ALDH1L2: variants seen among roughly 807,000 people sequenced by gnomAD.
ALDH1L2 encodes the protein aldehyde dehydrogenase 1 family member L2, also known as mitochondrial 10-formyltetrahydrofolate dehydrogenase.
ALDH1L2 carries 91 observed loss-of-function variants against 111.0 expected under a neutral mutation model. That is an observed-to-expected ratio of 0.82 (90% confidence interval 0.69 to 0.98). The LOEUF (loss-of-function observed/expected upper bound fraction) is 0.98, where lower values mean the gene tolerates loss of function less well. Among genes scored for constraint, ALDH1L2 ranks in the 50% least tolerant of loss-of-function variants. The pLI is 0.00. For synonymous variants in ALDH1L2, 374 were observed against 392.6 expected (o/e 0.95, Z 0.56); for missense variants, 995 against 1,126.8 (o/e 0.88, Z 1.67).
Position 105,023,732 on chromosome 12 carries a change from C to T in ALDH1L2, c.*692G>A, listed in dbSNP as rs1377074445. On this transcript the variant is annotated 3_prime_UTR_variant, in exon 23 of 23. Transcript: ENST00000258494. ...TGATACGACCAGGATCAGCCTTCTA[C>T]TATATCATATGTAAAATTTGCTTCA... The T allele has an allele frequency of 3.9e-5, 6 of 152,130 alleles. No homozygotes were observed. The highest frequency in any genetic ancestry group is 5.9e-5 in the Non-Finnish European group (4 of 68,032). The allele number at this position is 152,130 out of a possible 1,614,324, so 9.4% of individuals were successfully genotyped here.
At chr12:105,043,734 C>A (rs1875677324) in intron 15 of ALDH1L2, among the ~76,000 whole-genome samples, 1 of 152,150 alleles carries the variant, frequency 6.6e-6, no homozygotes, top group African/African-American at 2.4e-5. Context: ...TATTGGTTTT[C>A]TTCCATTTGG....
At position 105,024,357 on chromosome 12, in the gene ALDH1L2, A is replaced by G. The variant is rs190294019; in HGVS notation, c.*67T>C. ...GACACCTCCTGCCTCAACACACCCA[A>G]TCTTCTTAAGTGTGTCCAGAGTTGT... On this transcript the variant is annotated 3_prime_UTR_variant, in exon 23 of 23. Coordinates refer to ENST00000258494, the MANE Select transcript of ALDH1L2 (RefSeq NM_001034173.4). The G allele has an allele frequency of 2.9e-4, 453 of 1,584,738 alleles. 2 individuals carry two copies. The African/African-American group carries it at 3.0e-3, about 11-fold the overall frequency.
rs139170481 is a variant in ALDH1L2 at position 105,067,472 on chromosome 12, A to G, written c.595-803T>C. 4.2e-3 allele frequency among the ~76,000 whole-genome samples: 640 copies of G among 152,346 alleles called. 6 individuals are homozygous for G. The highest frequency in any genetic ancestry group is 0.014 in the African/African-American group (601 of 41,578). On this transcript the variant is annotated intron_variant, in intron 4 of 22. Coordinates refer to ENST00000258494, the MANE Select transcript of ALDH1L2 (RefSeq NM_001034173.4). ...ATTTTACTCATCATGATGATTCTAA[A>G]AAATGATACCTTACTGTATTTAATG...
chr12:105,063,069 T>C (rs1371475655), intron 6 of ALDH1L2, 47 bp from the exon 7 acceptor site: 1 of 1,589,868 alleles, frequency 6.3e-7, no homozygotes, highest in Non-Finnish European at 8.5e-7. Context: ...AGAAAAGCTG[T>C]TCATAGCGGT....
Position 105,031,944 on chromosome 12 carries a change from AC to A in ALDH1L2, c.2245-11del. On this transcript the variant is annotated splice_polypyrimidine_tract_variant and intron_variant, in intron 19 of 22. Coordinates refer to ENST00000258494, the MANE Select transcript of ALDH1L2 (RefSeq NM_001034173.4). Reference sequence around the variant, plus strand: ...TTTTAATTTCTTCTACCTGTATGTTACCCAGTCCATAAAAACACAATTCACT... The same window carrying A: ...TTTTAATTTCTTCTACCTGTATGTTACCAGTCCATAAAAACACAATTCACT... 1 of 1,612,856 alleles carries A rather than the reference AC, an allele frequency of 6.2e-7. No homozygotes were observed. Among genetic ancestry groups the A allele is most frequent in the Non-Finnish European group, 8.5e-7 (1 of 1,179,560 alleles).
At chr12:105,031,651 G>T in intron 20 of ALDH1L2, 118 bp downstream of exon 20, 1 of 1,422,754 alleles carries the variant, frequency 7.0e-7, no homozygotes, top group Non-Finnish European at 9.5e-7. Context: ...ACCACACTGG[G>T]CTAATTTTTG....
chr12:105,027,578 T>C (rs976653287), intron 21 of ALDH1L2, among the ~76,000 whole-genome samples: 2 of 152,224 alleles, frequency 1.3e-5, no homozygotes, highest in Non-Finnish European at 2.9e-5. Flanking sequence ...CTCGCCTTCA[T>C]TTATTATTGC....
chr12:105,046,233 T>A (rs1212010572), intron 15 of ALDH1L2, among the ~76,000 whole-genome samples: 31 of 118,884 alleles, frequency 2.6e-4, no homozygotes, highest in African/African-American at 1.0e-3. Flanking sequence ...TTTTTTTTTT[T>A]TTTTTTTTTT....
rs992302716 is a variant in ALDH1L2, at chr12:105,024,289, G to C, written c.*135C>G. 1.7e-5 allele frequency: 15 copies of C among 877,960 alleles called. No homozygotes were observed. In the African/African-American group the frequency reaches 2.0e-4, roughly 12 times the overall value. The allele number at this position is 877,960 out of a possible 1,614,324, so 54.4% of individuals were successfully genotyped here. A position where few individuals can be genotyped will look rare whatever the true frequency, so the allele number is the denominator to read the frequency against. ...ATGTGTAAATGCTTTAACATGGCCT[G>C]GCCCTCTTCATGGTCCATCTGTGTA... On this transcript the variant is annotated 3_prime_UTR_variant, in exon 23 of 23. Transcript: ENST00000258494.
intron 1 of ALDH1L2, among the ~76,000 whole-genome samples, chr12:105,083,627 T>A (rs1024099406): frequency 2.0e-5 from 3 of 148,774 alleles, no homozygotes; most frequent in Non-Finnish European, 3.0e-5. Context: ...TTTTATTTTT[T>A]TTTTTTCTCT....
At chr12:105,064,114 CT>C (rs71069786) in intron 6 of ALDH1L2, among the ~76,000 whole-genome samples, 1 of 35,124 alleles carries the variant, frequency 2.8e-5, no homozygotes, top group Non-Finnish European at 5.4e-5. Flanking sequence ...CCACACCGAG[CT>C]TTTTTTTTTT....
At chr12:105,059,791 G>A (rs991640338) in intron 9 of ALDH1L2, among the ~76,000 whole-genome samples, 1 of 152,182 alleles carries the variant, frequency 6.6e-6, no homozygotes, top group Non-Finnish European at 1.5e-5. Context: ...CATCAGGAAC[G>A]TTGCTTTGTC....
intron 21 of ALDH1L2, among the ~76,000 whole-genome samples, chr12:105,028,153 C>T (rs1025310851): frequency 6.6e-6 from 1 of 152,186 alleles, no homozygotes; most frequent in African/African-American, 2.4e-5. Flanking sequence ...CTCTGTCGCC[C>T]AGGCTGGAGG....
At position 105,068,704 on chromosome 12, in the gene ALDH1L2, G is replaced by T; in HGVS notation, c.594+15C>A. Reference sequence around the variant, plus strand: ...TTAAAGGTTTACTAAATTCTGGGTGGCAAAATATACTAACCATGGCCTTGA... The same window carrying T: ...TTAAAGGTTTACTAAATTCTGGGTGTCAAAATATACTAACCATGGCCTTGA... On this transcript the variant is annotated intron_variant, in intron 4 of 22. Coordinates refer to ENST00000258494, the MANE Select transcript of ALDH1L2 (RefSeq NM_001034173.4). 7.0e-7 allele frequency: 1 copy of T among 1,433,618 alleles called. No individual in the cohort carries two copies. The highest frequency in any genetic ancestry group is 9.2e-7 in the Non-Finnish European group (1 of 1,085,890). The allele number at this position is 1,433,618 out of a possible 1,614,324, so 88.8% of individuals were successfully genotyped here.
chr12:105,042,705 C>T (rs2136064006), intron 15 of ALDH1L2, among the ~76,000 whole-genome samples: 1 of 152,296 alleles, frequency 6.6e-6, no homozygotes, highest in East Asian at 1.9e-4. Context: ...CCCATTCATC[C>T]CATGTTCTAT....
chr12:105,052,803 A>C lies in ALDH1L2; in HGVS notation c.1407+9T>G, dbSNP rs773760865. On this transcript the variant is annotated intron_variant, in intron 11 of 22. Transcript: ENST00000258494. ...CAGTGATCACTACTCACACTAAAGA[A>C]TTACTCACAGATCCATCTGTTGGGT... 1.2e-6 allele frequency: 2 copies of C among 1,614,040 alleles called. No homozygotes were observed. The highest frequency in any genetic ancestry group is 1.7e-6 in the Non-Finnish European group (2 of 1,179,976).
In ALDH1L2 at chr12:105,031,792, C is replaced by T. The variant is rs144770528; in HGVS notation, c.2387G>A (p.Gly796Glu). 2,570 of 1,614,122 alleles carry T rather than the reference C, an allele frequency of 1.6e-3. 7 individuals are homozygous for T. The highest frequency in any genetic ancestry group is 1.3e-3 in the Non-Finnish European group (1,578 of 1,180,010). Reference protein sequence around the residue: ...GVKEGATLVYGGRQVQRPGFF... With the variant: ...GVKEGATLVYEGRQVQRPGFF... ...ACCTGGCCTTTGGACTTGTCTTCCC[C>T]CGTACACCAAAGTGGCCCCTTCTTT... is the stretch of plus-strand genomic sequence containing the variant. The change falls in exon 20 of 23, where the codon GGG becomes GAG. Residue 796 changes from glycine to glutamate, a missense_variant. Transcript: ENST00000258494.
intron 1 of ALDH1L2, among the ~76,000 whole-genome samples, chr12:105,081,224 T>C (rs1449485718): frequency 1.3e-5 from 2 of 152,204 alleles, no homozygotes; most frequent in Non-Finnish European, 2.9e-5. Context: ...CAATTGTATA[T>C]GTAAAGCATT....
intron 16 of ALDH1L2, among the ~76,000 whole-genome samples, chr12:105,040,390 C>G (rs1875459700): frequency 6.6e-6 from 1 of 152,104 alleles, no homozygotes; most frequent in South Asian, 2.1e-4. Flanking sequence ...TTTTACATGA[C>G]TGTACAACCC....
Sources: gnomAD v4.1 joint callset for allele counts (sites outside exome capture counted in the v4.1 genomes callset) on GRCh38, gnomAD v4.1.1 for gene constraint, MANE v1.5 for transcripts, NCBI Gene and HGNC (gene_info 2026-07-23, HGNC 2026-07-21) for gene names.